The following LDLRAD3 variants were observed in gnomAD, a reference collection of about 807,000 sequenced individuals.
LDLRAD3 encodes the protein low-density lipoprotein receptor class A domain-containing protein 3.
LDLRAD3 carries 20 observed loss-of-function variants against 29.4 expected under a neutral mutation model. The observed-to-expected ratio is 0.68, with a 90% CI of 0.48 to 0.99. The LOEUF (loss-of-function observed/expected upper bound fraction) is 0.99, where lower values mean the gene tolerates loss of function less well. Ranked by LOEUF, LDLRAD3 falls within the 50% of genes least tolerant of loss-of-function variation. The probability of loss-of-function intolerance (pLI) is 0.00; values close to 1 mark genes in which losing one functional copy is unlikely to be tolerated. For missense variants in LDLRAD3, 420 were observed against 454.3 expected, an observed-to-expected ratio of 0.92 and a Z score of 0.69; for synonymous variants, 157 against 192.7, an observed-to-expected ratio of 0.81 and a Z score of 1.53.
Position 35,944,229 on chromosome 11 carries a change from C to G in LDLRAD3, c.46+85C>G. Reference sequence around the variant, plus strand: ...CAGCGGCCGGGTGCGATCGCGTCCTCTCCCGGGCGCGGGCCGCTCTCCGGG... The same window carrying G: ...CAGCGGCCGGGTGCGATCGCGTCCTGTCCCGGGCGCGGGCCGCTCTCCGGG... On this transcript the variant is annotated intron_variant, in intron 1 of 5. Coordinates refer to ENST00000315571, the MANE Select transcript of LDLRAD3 (RefSeq NM_174902.4). The surrounding 1 kb of genome is among the most constrained non-coding windows in gnomAD (Gnocchi z 4.9). 1.2e-6 allele frequency: 1 copy of G among 810,690 alleles called. No individual in the cohort carries two copies. Among genetic ancestry groups the G allele is most frequent in the Non-Finnish European group, 1.5e-6 (1 of 669,732 alleles). 50.2% of individuals were successfully genotyped at this position (810,690 alleles called of 1,614,324 possible). A position where few individuals can be genotyped will look rare whatever the true frequency, so the allele number is the denominator to read the frequency against.
chr11:36,104,818 AC>A (rs1262276027), intron 4 of LDLRAD3, among the ~76,000 whole-genome samples: 1 of 152,004 alleles, frequency 6.6e-6, no homozygotes, highest in African/African-American at 2.4e-5. Context: ...GTTTTTCATC[AC>A]CCCATAAGAC....
intron 4 of LDLRAD3, among the ~76,000 whole-genome samples, chr11:36,210,595 G>A (rs531754470): frequency 1.4e-4 from 22 of 152,228 alleles, no homozygotes; most frequent in African/African-American, 5.3e-4. Flanking sequence ...AGGCCCACTG[G>A]TGTTGGAATA....
At chr11:36,160,250 C>G (rs1242454410) in intron 4 of LDLRAD3, among the ~76,000 whole-genome samples, 3 of 152,184 alleles carry the variant, frequency 2.0e-5, no homozygotes, top group African/African-American at 7.2e-5. Context: ...TCTTTGTTCT[C>G]AGTCCCCTCT....
chr11:35,963,860 T>C (rs937117922), intron 1 of LDLRAD3, among the ~76,000 whole-genome samples: 3 of 152,178 alleles, frequency 2.0e-5, no homozygotes, highest in African/African-American at 7.2e-5. Context: ...CCTTAAGTAA[T>C]GAAGAATTTA....
At chr11:36,153,303 C>T (rs1854302151) in intron 4 of LDLRAD3, among the ~76,000 whole-genome samples, 1 of 152,102 alleles carries the variant, frequency 6.6e-6, no homozygotes, top group Non-Finnish European at 1.5e-5. Context: ...TGAATAAATG[C>T]CACCTAACAT....
chr11:35,985,722 G>T (rs1024396843), intron 1 of LDLRAD3, among the ~76,000 whole-genome samples: 5 of 152,084 alleles, frequency 3.3e-5, no homozygotes, highest in African/African-American at 1.2e-4. Flanking sequence ...TTTATAAAGA[G>T]CAGTTCCCCT....
At chr11:36,031,892 A>G (rs1852239919) in intron 1 of LDLRAD3, among the ~76,000 whole-genome samples, 1 of 152,242 alleles carries the variant, frequency 6.6e-6, no homozygotes, top group South Asian at 2.1e-4. Flanking sequence ...CAAAGTCCAC[A>G]GACTGGGTGG....
At chr11:35,974,808 G>A (rs1211830566) in intron 1 of LDLRAD3, among the ~76,000 whole-genome samples, 2 of 152,208 alleles carry the variant, frequency 1.3e-5, no homozygotes, top group Non-Finnish European at 1.5e-5. Flanking sequence ...TGCAAGTCCT[G>A]TCCACATTCA....
intron 1 of LDLRAD3, among the ~76,000 whole-genome samples, chr11:36,027,193 A>T (rs1329800178): frequency 6.6e-6 from 1 of 152,186 alleles, no homozygotes; most frequent in Non-Finnish European, 1.5e-5. Context: ...AATTTTTGCA[A>T]GTTGGGTGTA....
intron 4 of LDLRAD3, among the ~76,000 whole-genome samples, chr11:36,103,213 A>G (rs1461252475): frequency 6.7e-6 from 1 of 149,886 alleles, no homozygotes; most frequent in Non-Finnish European, 1.5e-5. Flanking sequence ...TACCTCATAC[A>G]GTGGAATCAT....
At position 36,075,844 on chromosome 11, in the gene LDLRAD3, C is replaced by T. The variant is rs776377859; in HGVS notation, c.194-5809C>T. 1.1e-4 allele frequency among the ~76,000 whole-genome samples: 17 copies of T among 152,126 alleles called. No homozygotes were observed. The Middle Eastern group carries it at 0.01, about 91-fold the overall frequency. On this transcript the variant is annotated intron_variant, in intron 2 of 5. Transcript: ENST00000315571. The stretch of plus-strand genomic sequence containing the variant: ...TATTCTCTGTGTCATAATCTGATAC[C>T]GTTGTTGATTTTGTTGCTTGGATGG...
chr11:36,178,665 C>T (rs932361787), intron 4 of LDLRAD3, among the ~76,000 whole-genome samples: 61 of 152,306 alleles, frequency 4.0e-4, no homozygotes, highest in Non-Finnish European at 7.2e-4. Context: ...CACTGACCAG[C>T]GCTAATTCCC....
rs754448362 is a variant in LDLRAD3, at chr11:36,081,781, A to G, written c.319+3A>G. 8.1e-6 allele frequency: 13 copies of G among 1,614,190 alleles called. No individual in the cohort carries two copies. Among genetic ancestry groups the G allele is most frequent in the Non-Finnish European group, 9.3e-6 (11 of 1,180,016 alleles). Reference sequence around the variant, plus strand: ...TGGCAGCGATGAAGAGAACTGCAGTAAGTGCTGCGCACTTGAACACTGTGA... The same window carrying G: ...TGGCAGCGATGAAGAGAACTGCAGTGAGTGCTGCGCACTTGAACACTGTGA... On this transcript the variant is annotated splice_donor_region_variant and intron_variant, in intron 3 of 5. Transcript: ENST00000315571.
chr11:36,150,361 C>G (rs34436555), intron 4 of LDLRAD3, among the ~76,000 whole-genome samples: 47,699 of 151,794 alleles, frequency 0.31, 8,616 homozygotes, highest in Non-Finnish European at 0.4. Flanking sequence ...GACCTCATCT[C>G]TACAAAAAAA....
At chr11:36,128,555 AAAACCACTCTAGGCTGG>A (rs1170942261) in intron 4 of LDLRAD3, among the ~76,000 whole-genome samples, 1 of 152,190 alleles carries the variant, frequency 6.6e-6, no homozygotes, top group Non-Finnish European at 1.5e-5. Context: ...TTTAATCAGA[AAAACCACTCTAGGCTGG>A]GCACGGTGAT....
At chr11:36,139,797 C>T (rs976980584) in intron 4 of LDLRAD3, among the ~76,000 whole-genome samples, 1 of 152,058 alleles carries the variant, frequency 6.6e-6, no homozygotes, top group African/African-American at 2.4e-5. Context: ...GTGGGAGTGC[C>T]CTTTGAGAAT....
At chr11:35,957,201 T>C (rs993974486) in intron 1 of LDLRAD3, among the ~76,000 whole-genome samples, 1 of 152,266 alleles carries the variant, frequency 6.6e-6, no homozygotes, top group Non-Finnish European at 1.5e-5. Flanking sequence ...TGATTTTAGA[T>C]AGTTTTGATC....
At chr11:36,191,576 C>CTCTCTCTCTCTCTCTATATATATATA (rs377747518) in intron 4 of LDLRAD3, among the ~76,000 whole-genome samples, 2 of 53,440 alleles carry the variant, frequency 3.7e-5, no homozygotes, top group African/African-American at 1.7e-4. Flanking sequence ...CTCTCTCTCT[C>CTCTCTCTCTCTCTCTATATATATATA]TATATATATA....
intron 1 of LDLRAD3, among the ~76,000 whole-genome samples, chr11:35,986,619 C>G (rs1467620959): frequency 6.6e-6 from 1 of 152,166 alleles, no homozygotes; most frequent in Non-Finnish European, 1.5e-5. Context: ...GTCACTTTCT[C>G]CTGGCTGATT....
Sources: gnomAD v4.1 joint callset for allele counts (sites outside exome capture counted in the v4.1 genomes callset) on GRCh38, gnomAD v4.1.1 for gene constraint, Gnocchi (gnomAD v3.1) non-coding constraint, MANE v1.5 for transcripts, NCBI Gene and HGNC (gene_info 2026-07-23, HGNC 2026-07-21) for gene names.